The following COL1A2 variants were observed in gnomAD, a reference collection of about 807,000 sequenced individuals.
The protein encoded by COL1A2 is collagen alpha-2(I) chain.
In COL1A2, 49 loss-of-function variants were observed where a neutral mutation model predicts 174.3. That is an observed-to-expected ratio of 0.28 (90% CI 0.22 to 0.36). The LOEUF (loss-of-function observed/expected upper bound fraction) is 0.36, where lower values mean the gene tolerates loss of function less well. Among genes scored for constraint, COL1A2 ranks in the 10% least tolerant of loss-of-function variants. COL1A2 has a pLI of 1.00. For synonymous variants in COL1A2, 655 were observed against 606.6 expected (o/e 1.08, Z -1.17); for missense variants, 1,438 against 1,822.7 (o/e 0.79, Z 3.84).
chr7:94,425,966 G>C, intron 44 of COL1A2, 32 bp from the exon 45 acceptor site: 1 of 1,613,278 alleles, frequency 6.2e-7, no homozygotes. Context: ...CTTGGGCCTA[G>C]CTAAGTTGTG....
In COL1A2 at chr7:94,410,885, G is replaced by T. The variant is rs1396113058; in HGVS notation, c.1198-4G>T. On this transcript the variant is annotated splice_polypyrimidine_tract_variant and splice_region_variant and intron_variant, in intron 21 of 51. Coordinates refer to ENST00000297268, the MANE Select transcript of COL1A2 (RefSeq NM_000089.4). Reference sequence around the variant, plus strand: ...TTCTCTCTATTTCATGTACTTTCTTGCAGGGTAGTCCTGGTTCTCGTGGTC... The same window carrying T: ...TTCTCTCTATTTCATGTACTTTCTTTCAGGGTAGTCCTGGTTCTCGTGGTC... The T allele has an allele frequency of 2.5e-6, 4 of 1,613,774 alleles. No individual in the cohort carries two copies. Among genetic ancestry groups the T allele is most frequent in the Non-Finnish European group, 3.4e-6 (4 of 1,179,812 alleles).
intron 46 of COL1A2, 128 bp downstream of exon 46, chr7:94,426,658 A>G: frequency 1.3e-6 from 1 of 799,268 alleles, no homozygotes; most frequent in Non-Finnish European, 2.2e-6. Flanking sequence ...TTCTCTGGCT[A>G]ACTCCATCTC....
At chr7:94,413,012 A>G (rs1791960088) in intron 25 of COL1A2, 71 bp from the exon 26 acceptor site, 1 of 1,482,592 alleles carries the variant, frequency 6.7e-7, no homozygotes, top group Non-Finnish European at 9.4e-7. Context: ...CAACATTGCA[A>G]AATCACCGTG....
rs184372988 is a variant in COL1A2 at position 94,415,105 on chromosome 7, T to G, written c.1720-121T>G. 6 of 836,620 alleles carry G rather than the reference T, an allele frequency of 7.2e-6. No individual in the cohort carries two copies. The East Asian group carries it at 1.5e-4, about 20-fold the overall frequency. 51.8% of individuals were successfully genotyped at this position (836,620 alleles called of 1,614,324 possible). On this transcript the variant is annotated intron_variant, in intron 29 of 51. Coordinates refer to ENST00000297268, the MANE Select transcript of COL1A2 (RefSeq NM_000089.4). ...TTGTTCTTATTAGCCTGTGTACTTA[T>G]GCACTCATGTAGATACTGCCAGGTT...
Position 94,400,222 on chromosome 7 carries a change from T to G in COL1A2, c.159T>G (p.Asp53Glu), listed in dbSNP as rs201699348. The G allele has an allele frequency of 6.2e-7, 1 of 1,613,530 alleles. No homozygotes were observed. The highest frequency in any genetic ancestry group is 2.2e-5 in the East Asian group (1 of 44,826). Residue 53 changes from aspartate (D) to glutamate (E), a missense_variant, in exon 5 of 52, where the codon GAT becomes GAG. Coordinates refer to ENST00000297268, the MANE Select transcript of COL1A2 (RefSeq NM_000089.4). ...GTCCACCAGGCCCCCCAGGCAGAGA[T>G]GGTGAAGATGGTCCCACAGGCCCTC... is the stretch of plus-strand genomic sequence containing the variant. ...ERGPPGPPGR[D>E]GEDGPTGPPG... is the part of the protein sequence containing the mutation.
chr7:94,418,415 G>T, intron 32 of COL1A2, 84 bp from the exon 33 acceptor site: 2 of 1,191,466 alleles, frequency 1.7e-6, no homozygotes, highest in Non-Finnish European at 2.5e-6. Context: ...AGCATCTTCT[G>T]TAAAAAAGAA....
intron 46 of COL1A2, 109 bp downstream of exon 46, chr7:94,426,639 C>T: frequency 1.1e-6 from 1 of 880,080 alleles, no homozygotes; most frequent in East Asian, 2.6e-5. Flanking sequence ...ATATAATATC[C>T]ATTTCCCATT....
At chr7:94,419,091 C>G (rs931382326) in intron 33 of COL1A2, among the ~76,000 whole-genome samples, 4 of 148,664 alleles carry the variant, frequency 2.7e-5, no homozygotes, top group Non-Finnish European at 5.9e-5. Flanking sequence ...CACAGTCGGC[C>G]TGGATTCCTT....
At chr7:94,414,067 G>C in intron 28 of COL1A2, 120 bp downstream of exon 28, 1 of 1,330,204 alleles carries the variant, frequency 7.5e-7, no homozygotes, top group South Asian at 1.2e-5. Context: ...AGCAAAGAAA[G>C]GTGCATTTTT....
intron 1 of COL1A2, among the ~76,000 whole-genome samples, chr7:94,396,106 C>A (rs747766383): frequency 5.9e-5 from 9 of 152,146 alleles, no homozygotes; most frequent in Non-Finnish European, 8.8e-5. Flanking sequence ...CACTTTCCAG[C>A]TCTAGGTTCC....
intron 12 of COL1A2, 26 bp from the exon 13 acceptor site, chr7:94,407,821 C>T: frequency 2.5e-6 from 4 of 1,611,398 alleles, no homozygotes; most frequent in Non-Finnish European, 3.4e-6. Flanking sequence ...ATTTAATGAA[C>T]AAAAACTCAA....
At chr7:94,420,927 C>T (rs751176130) in intron 37 of COL1A2, 82 bp from the exon 38 acceptor site, 24 of 1,323,028 alleles carry the variant, frequency 1.8e-5, no homozygotes, top group Admixed American at 3.4e-5. Flanking sequence ...CTAAGAGATG[C>T]GGGAATGATC....
intron 39 of COL1A2, 22 bp from the exon 40 acceptor site, chr7:94,422,935 G>A: frequency 6.2e-7 from 1 of 1,614,054 alleles, no homozygotes; most frequent in South Asian, 1.1e-5. Flanking sequence ...GAAAGGAAAT[G>A]ACCTTGTACA....
chr7:94,412,421 A>G (rs1293739155), intron 24 of COL1A2, among the ~76,000 whole-genome samples, 163 bp from the exon 25 acceptor site: 2 of 151,964 alleles, frequency 1.3e-5, no homozygotes, highest in Admixed American at 1.3e-4. Flanking sequence ...GTGTACTGAC[A>G]TCCTAGTTAG....
intron 27 of COL1A2, 26 bp downstream of exon 27, chr7:94,413,769 T>A: frequency 6.2e-7 from 1 of 1,612,280 alleles, no homozygotes; most frequent in Non-Finnish European, 8.5e-7. Context: ...ACTCTTGTGC[T>A]CTTCTGCACT....
rs1288784071 is a variant in COL1A2 at position 94,423,106 on chromosome 7, G to T, written c.2553G>T (p.Glu851Asp). Residue 851 changes from glutamate to aspartate, a missense_variant, in exon 40 of 52, where the codon GAG (glutamate) becomes GAT (aspartate). Coordinates refer to ENST00000297268, the MANE Select transcript of COL1A2 (RefSeq NM_000089.4). ...CTGGTGAGAAGGGTCCCTCTGGAGAGGCTGGTACTGCTGTAAGTGATTTCC... is the reference window on the plus strand; with the variant it reads ...CTGGTGAGAAGGGTCCCTCTGGAGATGCTGGTACTGCTGTAAGTGATTTCC... ...GFAGEKGPSG[E>D]AGTAGPPGTP... 1 of 1,614,148 alleles carries T rather than the reference G, an allele frequency of 6.2e-7. No individual in the cohort carries two copies. Among genetic ancestry groups the T allele is most frequent in the South Asian group, 1.1e-5 (1 of 91,080 alleles).
At chr7:94,407,014 C>G (rs75194478) in intron 12 of COL1A2, among the ~76,000 whole-genome samples, 1 of 152,052 alleles carries the variant, frequency 6.6e-6, no homozygotes, top group Non-Finnish European at 1.5e-5. Context: ...CCCAAGAGCC[C>G]GATATAACAG....
At chr7:94,410,194 T>C in intron 19 of COL1A2, 48 bp from the exon 20 acceptor site, 1 of 1,592,326 alleles carries the variant, frequency 6.3e-7, no homozygotes, top group South Asian at 1.1e-5. Context: ...TGCAAGAGAG[T>C]TTCAACAAAT....
Position 94,429,186 on chromosome 7 carries a change from A to G in COL1A2, c.3712-2A>G. The G allele has an allele frequency of 6.3e-7, 1 of 1,593,032 alleles. No individual in the cohort carries two copies. Among genetic ancestry groups the G allele is most frequent in the Non-Finnish European group, 8.5e-7 (1 of 1,172,628 alleles). On this transcript the variant is annotated splice_acceptor_variant, in intron 50 of 51. Transcript: ENST00000297268. LOFTEE classifies it high-confidence loss of function. ...ACTGGAATTTCATCCTATTTTCTGT[A>G]GTTTGAATATAATGTAGAAGGAGTG...
Sources: gnomAD v4.1 joint callset for allele counts (sites outside exome capture counted in the v4.1 genomes callset) on GRCh38, gnomAD v4.1.1 for gene constraint, MANE v1.5 for transcripts, NCBI Gene and HGNC (gene_info 2026-07-23, HGNC 2026-07-21) for gene names.